Variants in CEP128 observed in about 807,000 individuals in gnomAD.
CEP128 encodes the protein centrosomal protein 128.
Under a neutral mutation model 156.7 loss-of-function variants are expected in CEP128, and 132 were observed. That is an observed-to-expected ratio of 0.84 (90% CI 0.73 to 0.97). CEP128 has a LOEUF of 0.97. CEP128 is among the 50% of genes least tolerant of loss of function. The probability of loss-of-function intolerance (pLI) is 0.00; values close to 1 mark genes in which losing one functional copy is unlikely to be tolerated. For missense variants in CEP128, 1,252 were observed against 1,281.9 expected (o/e 0.98, Z 0.36); for synonymous variants, 469 against 448.9 (o/e 1.04, Z -0.57).
At chr14:80,594,166 C>T (rs1173005890) in intron 19 of CEP128, among the ~76,000 whole-genome samples, 2 of 152,094 alleles carry the variant, frequency 1.3e-5, no homozygotes, top group African/African-American at 4.8e-5. Context: ...GAAATAACTC[C>T]ACACATCTAC....
intron 21 of CEP128, among the ~76,000 whole-genome samples, chr14:80,558,702 C>T (rs1045421489): frequency 8.5e-5 from 13 of 152,182 alleles, no homozygotes; most frequent in African/African-American, 2.9e-4. Context: ...GGATTATGGG[C>T]GTGAGCTACT....
At position 80,480,378 on chromosome 14, in the gene CEP128, C is replaced by T. The variant is rs146251071; in HGVS notation, c.*311-1971G>A. On this transcript the variant is annotated intron_variant and NMD_transcript_variant, in intron 14 of 14. Coordinates refer to the CEP128 transcript ENST00000554502. Reference sequence around the variant, plus strand: ...CTTCTATGTACCCGCAGGCTCAACACCACGTGGAAGCTGCCAAGGCTTGGG... The same window carrying T: ...CTTCTATGTACCCGCAGGCTCAACATCACGTGGAAGCTGCCAAGGCTTGGG... Among the ~76,000 whole-genome samples the T allele has an allele frequency of 4.1e-3, 619 of 152,276 alleles. 3 individuals carry two copies. The highest frequency in any genetic ancestry group is 0.014 in the African/African-American group (600 of 41,550).
At chr14:80,860,833 T>G (rs1246538562) in intron 9 of CEP128, among the ~76,000 whole-genome samples, 2 of 152,036 alleles carry the variant, frequency 1.3e-5, no homozygotes, top group African/African-American at 4.8e-5. Flanking sequence ...GAAAAAAACT[T>G]TAAAAAATCT....
At chr14:80,501,143 G>A (rs994022622) in intron 24 of CEP128, among the ~76,000 whole-genome samples, 4 of 151,838 alleles carry the variant, frequency 2.6e-5, no homozygotes, top group Non-Finnish European at 5.9e-5. Context: ...TGGCAGAATT[G>A]AAAAACATGA....
Position 80,785,062 on chromosome 14 carries a change from T to C in CEP128, c.2044A>G (p.Ile682Val), listed in dbSNP as rs144670267. Residue 682 changes from isoleucine to valine, a missense_variant, in exon 15 of 25, where the codon ATC becomes GTC. Coordinates refer to ENST00000555265, the MANE Select transcript of CEP128 (RefSeq NM_152446.5). Reference protein sequence around the residue: ...AKSRDEETATIITQLKLERDV... With the variant: ...AKSRDEETATVITQLKLERDV... The stretch of plus-strand genomic sequence containing the variant: ...CGTTCCAGCTTTAACTGTGTGATGA[T>C]TGTAGCTGTTTCTTCATCCCTGGAT... 15 of 1,614,110 alleles carry C rather than the reference T, an allele frequency of 9.3e-6. No individual in the cohort carries two copies. The highest frequency in any genetic ancestry group is 1.3e-5 in the African/African-American group (1 of 74,940).
intron 19 of CEP128, among the ~76,000 whole-genome samples, chr14:80,619,061 C>T (rs149776503): frequency 9.7e-4 from 147 of 152,262 alleles, no homozygotes; most frequent in African/African-American, 3.5e-3. Context: ...AAAATGAACA[C>T]TGCCCGCATA....
At chr14:80,651,384 T>C (rs927737316) in intron 19 of CEP128, among the ~76,000 whole-genome samples, 1 of 152,166 alleles carries the variant, frequency 6.6e-6, no homozygotes. Flanking sequence ...GATTCACTGA[T>C]TTTTTGAAGA....
rs1025527539 is a variant in CEP128, at chr14:80,717,615, TA to T, written c.2806+25459del. Among the ~76,000 whole-genome samples the T allele has an allele frequency of 4.6e-5, 7 of 151,478 alleles. 1 individual carries two copies. The highest frequency in any genetic ancestry group is 4.2e-4 in the South Asian group (2 of 4,782). On this transcript the variant is annotated intron_variant, in intron 19 of 24. Transcript: ENST00000555265. ...AAGAAGATTGTTAAGGTGCAAAGGT[TA>T]AAAAAAAACTTGAGATATTTAGAGT...
At chr14:80,571,000 G>A (rs1035972991) in intron 20 of CEP128, among the ~76,000 whole-genome samples, 1 of 152,112 alleles carries the variant, frequency 6.6e-6, no homozygotes, top group Non-Finnish European at 1.5e-5. Context: ...GTTGCCATAT[G>A]TCTTTTCTAA....
intron 16 of CEP128, among the ~76,000 whole-genome samples, chr14:80,774,606 C>T (rs1900688820): frequency 6.6e-6 from 1 of 151,410 alleles, no homozygotes; most frequent in African/African-American, 2.4e-5. Context: ...TACATATATA[C>T]ATATGTGTGT....
intron 19 of CEP128, among the ~76,000 whole-genome samples, chr14:80,628,472 A>C (rs1166938812): frequency 6.6e-6 from 1 of 152,202 alleles, no homozygotes; most frequent in Non-Finnish European, 1.5e-5. Context: ...ATTTCAAACT[A>C]TGAACTGACA....
At chr14:80,630,816 A>G (rs1893930805) in intron 19 of CEP128, among the ~76,000 whole-genome samples, 1 of 152,068 alleles carries the variant, frequency 6.6e-6, no homozygotes, top group African/African-American at 2.4e-5. Flanking sequence ...GTAATACAGA[A>G]TCACAAAAGT....
At chr14:80,579,992 G>A (rs1891519394) in intron 20 of CEP128, among the ~76,000 whole-genome samples, 1 of 152,218 alleles carries the variant, frequency 6.6e-6, no homozygotes, top group Admixed American at 6.5e-5. Flanking sequence ...GTCATTAGTA[G>A]ATGACACCCA....
chr14:80,957,236 A>C (rs755741321), intron 2 of CEP128, among the ~76,000 whole-genome samples: 6 of 152,166 alleles, frequency 3.9e-5, no homozygotes, highest in Non-Finnish European at 5.9e-5. Context: ...TCAACCCTGC[A>C]GGAAGCTTCT....
intron 19 of CEP128, among the ~76,000 whole-genome samples, chr14:80,733,504 A>G (rs1898383214): frequency 6.6e-6 from 1 of 152,158 alleles, no homozygotes; most frequent in Non-Finnish European, 1.5e-5. Flanking sequence ...AACAGCTAAG[A>G]AAAACTTTGT....
At chr14:80,759,907 GGTGTGTGT>G (rs3037144) in intron 17 of CEP128, among the ~76,000 whole-genome samples, 43 of 150,350 alleles carry the variant, frequency 2.9e-4, no homozygotes, top group African/African-American at 6.4e-4. Context: ...CATATATATA[GGTGTGTGT>G]GTGTGTGTGT....
chr14:80,741,269 G>A (rs1300337241), intron 19 of CEP128, among the ~76,000 whole-genome samples: 1 of 152,034 alleles, frequency 6.6e-6, no homozygotes, highest in African/African-American at 2.4e-5. Context: ...AAAATTCTTT[G>A]CAATTTCCAC....
chr14:80,518,265 G>A (rs563430867), intron 23 of CEP128, among the ~76,000 whole-genome samples: 12 of 151,482 alleles, frequency 7.9e-5, no homozygotes, highest in South Asian at 2.1e-4. Context: ...CTGACTGGTC[G>A]GGTGTGAGCT....
At chr14:80,592,605 T>C (rs1892126607) in intron 19 of CEP128, among the ~76,000 whole-genome samples, 1 of 152,182 alleles carries the variant, frequency 6.6e-6, no homozygotes, top group South Asian at 2.1e-4. Flanking sequence ...TCTGAAACTA[T>C]TCCAAACAAT....
Sources: allele counts gnomAD v4.1 joint callset (sites outside exome capture counted in the v4.1 genomes callset), GRCh38; gene constraint gnomAD v4.1.1; transcripts MANE v1.5; gene names NCBI Gene and HGNC (gene_info 2026-07-23, HGNC 2026-07-21).